NDUFAF2: variants seen among roughly 807,000 people sequenced by gnomAD.
NDUFAF2 encodes NADH:ubiquinone oxidoreductase complex assembly factor 2, also known as NADH dehydrogenase [ubiquinone] 1 alpha subcomplex assembly factor 2.
A neutral mutation model predicts 22.8 loss-of-function variants in NDUFAF2; 13 were observed. That is an observed-to-expected ratio of 0.57 (90% CI 0.37 to 0.91). NDUFAF2 has a LOEUF of 0.91. Ranked by LOEUF, NDUFAF2 falls within the 40% of genes least tolerant of loss-of-function variation. The pLI is 0.01. For synonymous variants in NDUFAF2, 53 were observed against 64.2 expected (o/e 0.83, Z 0.84); for missense variants, 162 against 195.2 (o/e 0.83, Z 1.01).
chr5:61,013,569 A>T (rs535548504), intron 1 of NDUFAF2, among the ~76,000 whole-genome samples: 16 of 152,290 alleles, frequency 1.1e-4, no homozygotes, highest in African/African-American at 3.6e-4. Flanking sequence ...AGCCAGTTTT[A>T]AAAAATTCAC....
Position 61,100,703 on chromosome 5 carries a change from T to C in NDUFAF2, c.258+1671T>C, listed in dbSNP as rs575318524. On this transcript the variant is annotated intron_variant, in intron 3 of 3. Coordinates refer to ENST00000296597, the MANE Select transcript of NDUFAF2 (RefSeq NM_174889.5). Reference sequence around the variant, plus strand: ...CTGAAATCCGTCTGTGCCTGCAAGATAGTGAGTTCCTTTTTTTCCTTGAAG... The same window carrying C: ...CTGAAATCCGTCTGTGCCTGCAAGACAGTGAGTTCCTTTTTTTCCTTGAAG... Among the ~76,000 whole-genome samples the C allele has an allele frequency of 2.1e-4, 32 of 152,254 alleles. No homozygotes were observed. The East Asian group carries it at 5.6e-3, about 27-fold the overall frequency.
chr5:61,053,378 A>T (rs1391412346), intron 1 of NDUFAF2, among the ~76,000 whole-genome samples: 3 of 152,360 alleles, frequency 2.0e-5, no homozygotes, highest in South Asian at 2.1e-4. Context: ...GATCCATGTC[A>T]TCAGGATATG....
intron 3 of NDUFAF2, among the ~76,000 whole-genome samples, chr5:61,130,964 G>A (rs1753102971): frequency 1.3e-5 from 2 of 152,100 alleles, no homozygotes; most frequent in Non-Finnish European, 1.5e-5. Context: ...ATACACGAGA[G>A]AGTAGCATGA....
intron 3 of NDUFAF2, among the ~76,000 whole-genome samples, chr5:61,100,693 G>C (rs944955111): frequency 1.3e-5 from 2 of 152,064 alleles, no homozygotes; most frequent in African/African-American, 2.4e-5. Flanking sequence ...ATCCGTCTGT[G>C]CCTGCAAGAT....
intron 1 of NDUFAF2, among the ~76,000 whole-genome samples, chr5:61,031,320 G>A (rs1751723590): frequency 6.6e-6 from 1 of 151,910 alleles, no homozygotes; most frequent in Admixed American, 6.6e-5. Context: ...CCCACCCCCT[G>A]ACAGGCCCTG....
intron 1 of NDUFAF2, among the ~76,000 whole-genome samples, chr5:60,981,832 T>C (rs1266792727): frequency 2.0e-5 from 3 of 152,140 alleles, no homozygotes; most frequent in Non-Finnish European, 4.4e-5. Context: ...TCAGCAGAGA[T>C]GCCAAGAACA....
At chr5:61,152,594 T>C (rs1322079194) in intron 3 of NDUFAF2, 110 bp from the exon 4 acceptor site, 1 of 719,256 alleles carries the variant, frequency 1.4e-6, no homozygotes, top group Non-Finnish European at 2.1e-6. Flanking sequence ...GCAAAGTATG[T>C]ATGTATATAT....
At chr5:60,991,321 A>G (rs984551627) in intron 1 of NDUFAF2, among the ~76,000 whole-genome samples, 2 of 152,342 alleles carry the variant, frequency 1.3e-5, no homozygotes, top group African/African-American at 4.8e-5. Context: ...TTTGAGTCAC[A>G]ATCAATCAAT....
chr5:61,123,308 G>A (rs143701516), intron 3 of NDUFAF2, among the ~76,000 whole-genome samples: 38 of 152,146 alleles, frequency 2.5e-4, no homozygotes, highest in Middle Eastern at 3.4e-3. Context: ...TCATTTCGTC[G>A]TCGTGCAAAT....
chr5:60,972,390 A>G (rs144111334), intron 1 of NDUFAF2, among the ~76,000 whole-genome samples: 5 of 152,178 alleles, frequency 3.3e-5, no homozygotes, highest in African/African-American at 4.8e-5. Context: ...GGTTTCCCCA[A>G]TCCTGCTCTT....
chr5:60,962,614 C>G (rs1248384503), intron 1 of NDUFAF2, among the ~76,000 whole-genome samples: 1 of 151,982 alleles, frequency 6.6e-6, no homozygotes, highest in Non-Finnish European at 1.5e-5. Flanking sequence ...GGGCAGATCA[C>G]GAGGTCAGGA....
chr5:61,025,307 C>G (rs1055200526), intron 1 of NDUFAF2, among the ~76,000 whole-genome samples: 3 of 151,972 alleles, frequency 2.0e-5, no homozygotes, highest in Non-Finnish European at 2.9e-5. Flanking sequence ...TTTTACAGAT[C>G]ATCCGTAAGA....
intron 3 of NDUFAF2, among the ~76,000 whole-genome samples, chr5:61,108,546 G>A (rs968294377): frequency 2.6e-5 from 4 of 151,362 alleles, no homozygotes; most frequent in Admixed American, 6.6e-5. Context: ...GCTCAGTCCA[G>A]TGTCCTAGAG....
intron 3 of NDUFAF2, among the ~76,000 whole-genome samples, chr5:61,136,003 CT>C (rs1319545653): frequency 1.7e-5 from 1 of 57,658 alleles, no homozygotes; most frequent in Non-Finnish European, 3.1e-5. Flanking sequence ...CTAAGCCTGT[CT>C]TTATATATAT....
intron 2 of NDUFAF2, among the ~76,000 whole-genome samples, chr5:61,098,150 T>C (rs949817558): frequency 7.9e-5 from 12 of 152,192 alleles, no homozygotes; most frequent in Admixed American, 5.9e-4. Context: ...AACATTTATG[T>C]ATATTATCTT....
chr5:60,948,250 C>T (rs1055162054), intron 1 of NDUFAF2, among the ~76,000 whole-genome samples: 2 of 152,098 alleles, frequency 1.3e-5, no homozygotes, highest in African/African-American at 2.4e-5. Flanking sequence ...GATGGAGTCT[C>T]GCCCTGTCGC....
In NDUFAF2 at chr5:61,073,327, TG is replaced by T. The variant is rs34070675; in HGVS notation, c.217+114del. 145,441 of 812,900 alleles carry T rather than the reference TG, an allele frequency of 0.18. 13,909 individuals carry two copies. The highest frequency in any genetic ancestry group is 0.28 in the South Asian group (19,095 of 68,666). The allele number at this position is 812,900 out of a possible 1,614,324, so 50.4% of individuals were successfully genotyped here. The stretch of plus-strand genomic sequence containing the variant: ...GTTTCTCTTTGCAAAAAAGTTTTAG[TG>T]TCTGAATGTTTGAAACTTTGTTTTT... On this transcript the variant is annotated intron_variant, in intron 2 of 3. Transcript: ENST00000296597.
chr5:61,007,754 A>G (rs62367887), intron 1 of NDUFAF2, among the ~76,000 whole-genome samples: 30,242 of 152,080 alleles, frequency 0.2, 3,571 homozygotes, highest in Non-Finnish European at 0.26. Context: ...CAATTCCTCA[A>G]GGATCTAGAA....
chr5:60,965,351 C>T (rs886448662), intron 1 of NDUFAF2, among the ~76,000 whole-genome samples: 64 of 152,114 alleles, frequency 4.2e-4, no homozygotes, highest in African/African-American at 1.5e-3. Flanking sequence ...AACATATCTA[C>T]ACCTCACAGG....
Sources: gnomAD v4.1 joint callset for allele counts (sites outside exome capture counted in the v4.1 genomes callset) on GRCh38, gnomAD v4.1.1 for gene constraint, MANE v1.5 for transcripts, NCBI Gene and HGNC (gene_info 2026-07-23, HGNC 2026-07-21) for gene names.